The following METTL15 variants were observed in gnomAD, a reference collection of about 807,000 sequenced individuals.
The protein encoded by METTL15 is 12S rRNA N(4)-cytidine methyltransferase METTL15.
A neutral mutation model predicts 38.3 loss-of-function variants in METTL15; 34 were observed. That is an observed-to-expected ratio of 0.89 (90% confidence interval 0.68 to 1.18). The LOEUF (loss-of-function observed/expected upper bound fraction) is 1.18, where lower values mean the gene tolerates loss of function less well. Ranked by LOEUF, METTL15 falls within the 50% of genes most tolerant of loss-of-function variation. The probability of loss-of-function intolerance (pLI) is 0.00; values close to 1 mark genes in which losing one functional copy is unlikely to be tolerated. For missense variants in METTL15, 438 were observed against 498.4 expected, an observed-to-expected ratio of 0.88 and a Z score of 1.15; for synonymous variants, 162 against 170.9, an observed-to-expected ratio of 0.95 and a Z score of 0.41.
intron 3 of METTL15, among the ~76,000 whole-genome samples, chr11:28,144,047 A>G (rs1849795097): frequency 1.3e-5 from 2 of 152,168 alleles, no homozygotes; most frequent in African/African-American, 4.8e-5. Context: ...ATTTAATTGC[A>G]TGTGGTCCCC....
chr11:28,123,200 A>C (rs1852326716), intron 3 of METTL15, among the ~76,000 whole-genome samples: 1 of 152,110 alleles, frequency 6.6e-6, no homozygotes, highest in African/African-American at 2.4e-5. Flanking sequence ...AGTCATCCTC[A>C]GTACTTGTTA....
intron 6 of METTL15, among the ~76,000 whole-genome samples, chr11:28,431,944 A>C (rs1440684054): frequency 6.6e-6 from 1 of 152,186 alleles, no homozygotes; most frequent in Non-Finnish European, 1.5e-5. Flanking sequence ...CTGTGTCTCC[A>C]CAGGGTGCCC....
intron 5 of METTL15, among the ~76,000 whole-genome samples, chr11:28,380,576 A>G (rs568499210): frequency 6.6e-6 from 1 of 151,888 alleles, no homozygotes; most frequent in Non-Finnish European, 1.5e-5. Flanking sequence ...TCATTTGTGG[A>G]TAAGTATTTT....
chr11:28,182,609 G>A (rs1208041998), intron 3 of METTL15, among the ~76,000 whole-genome samples: 1 of 152,022 alleles, frequency 6.6e-6, no homozygotes, highest in Non-Finnish European at 1.5e-5. Flanking sequence ...TGTTTCATTG[G>A]TCTATATATC....
At chr11:28,463,050 G>C (rs529220089) in intron 6 of METTL15, among the ~76,000 whole-genome samples, 1 of 152,216 alleles carries the variant, frequency 6.6e-6, no homozygotes. Flanking sequence ...ACCTGTAACT[G>C]AGACAGGTGT....
intron 5 of METTL15, among the ~76,000 whole-genome samples, chr11:28,376,748 G>C (rs1168804150): frequency 3.3e-5 from 5 of 150,090 alleles, no homozygotes; most frequent in Admixed American, 1.3e-4. Context: ...CAGTTTCTTC[G>C]TAGTCTCGAT....
chr11:28,454,079 A>G lies in METTL15; in HGVS notation c.*424+29715A>G, dbSNP rs191083383. Reference sequence around the variant, plus strand: ...TGTGATGTCCCAAGTAAATCCTCTGATTGATGGACTTGGAATTGTTTCGTT... The same window carrying G: ...TGTGATGTCCCAAGTAAATCCTCTGGTTGATGGACTTGGAATTGTTTCGTT... On this transcript the variant is annotated intron_variant and NMD_transcript_variant, in intron 6 of 7. Transcript: ENST00000532947. 7.9e-5 allele frequency among the ~76,000 whole-genome samples: 12 copies of G among 152,336 alleles called. No homozygotes were observed. In the East Asian group the frequency reaches 2.1e-3, roughly 27 times the overall value.
intron 6 of METTL15, among the ~76,000 whole-genome samples, chr11:28,441,753 A>G (rs1189301079): frequency 6.6e-6 from 1 of 152,202 alleles, no homozygotes; most frequent in South Asian, 2.1e-4. Context: ...AAAAAAGTGG[A>G]AAACCTTCAA....
chr11:28,150,240 G>A (rs547762997), intron 3 of METTL15, among the ~76,000 whole-genome samples: 1 of 152,036 alleles, frequency 6.6e-6, no homozygotes, highest in East Asian at 1.9e-4. Flanking sequence ...TACTACACTA[G>A]TATAGTATTG....
chr11:28,336,816 T>C (rs1381531345), downstream of METTL15, among the ~76,000 whole-genome samples: 2 of 152,206 alleles, frequency 1.3e-5, no homozygotes, highest in East Asian at 3.9e-4. Context: ...TACTATGTTT[T>C]ATCATTATTT....
intron 4 of METTL15, among the ~76,000 whole-genome samples, chr11:28,354,173 G>A (rs1238494544): frequency 6.6e-6 from 1 of 152,180 alleles, no homozygotes; most frequent in East Asian, 1.9e-4. Context: ...AAAGGTCCCA[G>A]CAGAACTCTT....
chr11:28,334,198 C>A (rs934168313), downstream of METTL15, among the ~76,000 whole-genome samples: 5 of 151,978 alleles, frequency 3.3e-5, no homozygotes, highest in Non-Finnish European at 7.4e-5. Context: ...ACCATCCCTT[C>A]TTCTCTGTTC....
chr11:28,333,715 ATATC>A (rs963515963), downstream of METTL15, among the ~76,000 whole-genome samples: 34 of 151,886 alleles, frequency 2.2e-4, no homozygotes, highest in Admixed American at 3.3e-4. Context: ...GAAAGACACT[ATATC>A]TATATGTCTT....
At chr11:28,302,956 T>C (rs532218946) in intron 6 of METTL15, among the ~76,000 whole-genome samples, 1 of 152,216 alleles carries the variant, frequency 6.6e-6, no homozygotes, top group East Asian at 1.9e-4. Context: ...TTTATGCACT[T>C]AATTTTGAAA....
At chr11:28,353,144 A>C (rs887843917) in intron 4 of METTL15, among the ~76,000 whole-genome samples, 1 of 152,146 alleles carries the variant, frequency 6.6e-6, no homozygotes, top group Admixed American at 6.5e-5. Context: ...GCAGCTCTTC[A>C]GAGTAAGGTA....
intron 3 of METTL15, among the ~76,000 whole-genome samples, chr11:28,133,465 A>G (rs575966718): frequency 6.6e-6 from 1 of 152,336 alleles, no homozygotes; most frequent in South Asian, 2.1e-4. Flanking sequence ...GATGGGTTCC[A>G]TTGATTATCA....
chr11:28,458,212 A>T (rs1851186205), intron 6 of METTL15, among the ~76,000 whole-genome samples: 1 of 152,198 alleles, frequency 6.6e-6, no homozygotes, highest in African/African-American at 2.4e-5. Context: ...CCTCATCTTC[A>T]GTTTTCTGTA....
At chr11:28,206,361 G>C in intron 3 of METTL15, among the ~76,000 whole-genome samples, 1 of 152,006 alleles carries the variant, frequency 6.6e-6, no homozygotes, top group Non-Finnish European at 1.5e-5. Context: ...TTATTAAATG[G>C]GGAATCCTTT....
At chr11:28,508,889 T>C (rs1266471176) in intron 6 of METTL15, among the ~76,000 whole-genome samples, 2 of 152,194 alleles carry the variant, frequency 1.3e-5, no homozygotes, top group Non-Finnish European at 2.9e-5. Flanking sequence ...TGGTCCTGGT[T>C]TGGTAAATCA....
Sources: allele counts gnomAD v4.1 joint callset (sites outside exome capture counted in the v4.1 genomes callset), GRCh38; gene constraint gnomAD v4.1.1; transcripts MANE v1.5; gene names NCBI Gene and HGNC (gene_info 2026-07-23, HGNC 2026-07-21).